Variants in WNK2 observed in about 807,000 individuals in gnomAD.
The protein encoded by WNK2 is serine/threonine-protein kinase WNK2.
A neutral mutation model predicts 192.1 loss-of-function variants in WNK2; 67 were observed. The ratio of observed to expected loss-of-function variants is 0.35; its 90% confidence interval spans 0.29 to 0.43. The LOEUF is 0.43. WNK2 is among the 20% of genes least tolerant of loss of function. The pLI is 1.00. For missense variants in WNK2, 2,698 were observed against 3,089.7 expected (o/e 0.87, Z 3.01); for synonymous variants, 1,439 against 1,393.9 (o/e 1.03, Z -0.72).
chr9:93,233,899 C>T (rs1365928053), intron 4 of WNK2, among the ~76,000 whole-genome samples: 4 of 152,058 alleles, frequency 2.6e-5, no homozygotes, highest in African/African-American at 2.4e-5. Flanking sequence ...TTGCATTCAG[C>T]GCGACAGACA....
At chr9:93,202,120 G>T (rs976022147) in intron 2 of WNK2, among the ~76,000 whole-genome samples, 7 of 152,208 alleles carry the variant, frequency 4.6e-5, no homozygotes, top group Non-Finnish European at 7.4e-5. Flanking sequence ...GGGGAAGTGA[G>T]GGGTGACTGA....
intron 2 of WNK2, among the ~76,000 whole-genome samples, chr9:93,201,617 G>T (rs1832369164): frequency 6.6e-6 from 1 of 152,214 alleles, no homozygotes; most frequent in South Asian, 2.1e-4. Context: ...GACAGGTCCT[G>T]CCCTGCAGGA....
Position 93,238,331 on chromosome 9 carries a change from C to T in WNK2, c.1322+10C>T, listed in dbSNP as rs750993152. On this transcript the variant is annotated intron_variant, in intron 6 of 29. Coordinates refer to ENST00000427277, the MANE Select transcript of WNK2 (RefSeq NM_006648.4). ...AAAACAAGGAGGAAAGGTGAGTTCC[C>T]CTGAAGGGCTGGGTTCTGGGGTCCA... The T allele has an allele frequency of 1.2e-6, 2 of 1,612,744 alleles. No homozygotes were observed. Among genetic ancestry groups the T allele is most frequent in the Middle Eastern group, 1.6e-4 (1 of 6,062 alleles).
In WNK2 at chr9:93,267,791, G is replaced by A. The variant is rs1044383028; in HGVS notation, c.3742G>A (p.Glu1248Lys). ...ILQAERETFIEQMKDVMDKAE... is the reference protein window; with the variant it reads ...ILQAERETFIKQMKDVMDKAE... ...GCAGGCCGAGCGGGAAACGTTCATC[G>A]AGCAGATGAAGGATGTCATGGACAA... The change falls in exon 17 of 30, where the codon GAG becomes AAG. Residue 1248 changes from glutamate (E) to lysine (K), a missense_variant. This residue lies in a region of WNK2 where 1,098 missense variants were observed against 1,101.0 expected (regional missense o/e 1.00). Transcript: ENST00000427277. The A allele has an allele frequency of 3.1e-6, 5 of 1,610,900 alleles. No homozygotes were observed. Among genetic ancestry groups the A allele is most frequent in the Non-Finnish European group, 4.2e-6 (5 of 1,178,726 alleles).
intron 26 of WNK2, among the ~76,000 whole-genome samples, chr9:93,304,369 G>A (rs1852123802): frequency 6.6e-6 from 1 of 152,252 alleles, no homozygotes; most frequent in South Asian, 2.1e-4. Flanking sequence ...CTGTCGTCCT[G>A]TGTGCTGCCA....
chr9:93,256,914 G>A (rs369920565), intron 10 of WNK2, 34 bp from the exon 11 acceptor site: 11 of 1,521,554 alleles, frequency 7.2e-6, no homozygotes, highest in East Asian at 4.9e-5. Flanking sequence ...GGGCAGATTG[G>A]TGGTCTAAGG....
At chr9:93,281,141 T>A (rs927658551) in intron 19 of WNK2, among the ~76,000 whole-genome samples, 1 of 152,190 alleles carries the variant, frequency 6.6e-6, no homozygotes, top group African/African-American at 2.4e-5. Flanking sequence ...ATGACTATGT[T>A]CATTAGATTG....
chr9:93,291,518 T>G (rs1849346235), intron 21 of WNK2, among the ~76,000 whole-genome samples: 1 of 152,138 alleles, frequency 6.6e-6, no homozygotes, highest in Non-Finnish European at 1.5e-5. Context: ...GGGAGTCAGA[T>G]GTTACATACG....
intron 3 of WNK2, among the ~76,000 whole-genome samples, chr9:93,230,072 T>C (rs1009647504): frequency 2.0e-5 from 3 of 152,118 alleles, no homozygotes; most frequent in Non-Finnish European, 4.4e-5. Flanking sequence ...CTGGGACTTG[T>C]TTCTGGCTGG....
Position 93,262,674 on chromosome 9 carries a change from A to G in WNK2, c.3365A>G (p.Gln1122Arg), listed in dbSNP as rs147603907. Residue 1122 changes from glutamine (Q) to arginine (R), a missense_variant, in exon 14 of 30, where the codon CAG (glutamine) becomes CGG (arginine). This residue lies in a region of WNK2 where 893 missense variants were observed against 909.0 expected (regional missense o/e 0.98). Transcript: ENST00000427277. ...TTCTCCGGGTGTTTATTTCAGGAGC[A>G]GGCCTCACAGGACAAGCCGCCCGGC... ...QLTVEPVQEE[Q>R]ASQDKPPGLP... is the part of the protein sequence containing the mutation. 40 of 1,612,710 alleles carry G rather than the reference A, an allele frequency of 2.5e-5. No homozygotes were observed. In the African/African-American group the frequency reaches 4.9e-4, roughly 20 times the overall value.
intron 2 of WNK2, among the ~76,000 whole-genome samples, chr9:93,207,346 G>A (rs184481862): frequency 1.3e-5 from 2 of 151,942 alleles, no homozygotes; most frequent in East Asian, 1.9e-4. Flanking sequence ...GATCTCTGGT[G>A]GGGGGGCCTT....
At chr9:93,286,024 G>A (rs897650022) in intron 19 of WNK2, among the ~76,000 whole-genome samples, 9 of 152,136 alleles carry the variant, frequency 5.9e-5, no homozygotes, top group Non-Finnish European at 1.2e-4. Context: ...GTAACAAGTC[G>A]CTTGTGAATC....
At chr9:93,314,112 A>C (rs1854157008) in intron 28 of WNK2, among the ~76,000 whole-genome samples, 1 of 148,990 alleles carries the variant, frequency 6.7e-6, no homozygotes, top group Non-Finnish European at 1.5e-5. Context: ...CTCTACTAAA[A>C]GTACAAAAAA....
At chr9:93,295,066 T>TG (rs1850009451) in intron 23 of WNK2, among the ~76,000 whole-genome samples, 1 of 152,130 alleles carries the variant, frequency 6.6e-6, no homozygotes, top group Non-Finnish European at 1.5e-5. Flanking sequence ...TTCCTAGGGC[T>TG]CCAGGAGCCC....
Position 93,298,114 on chromosome 9 carries a change from C to T in WNK2, c.5923+47C>T, listed in dbSNP as rs376352724. The T allele has an allele frequency of 1.5e-3, 2,348 of 1,537,636 alleles. 2 individuals are homozygous for T. Among genetic ancestry groups the T allele is most frequent in the Non-Finnish European group, 1.9e-3 (2,164 of 1,141,808 alleles). ...TGGGATGGGAGCGGGGCTGGGGACCCCCGAGTGAGCCTGGGAGGTAGGCTC... is the reference window on the plus strand; with the variant it reads ...TGGGATGGGAGCGGGGCTGGGGACCTCCGAGTGAGCCTGGGAGGTAGGCTC... On this transcript the variant is annotated intron_variant, in intron 24 of 29. Transcript: ENST00000427277.
chr9:93,185,206 C>G lies in WNK2; in HGVS notation c.277C>G (p.Pro93Ala). 1 of 1,158,526 alleles carries G rather than the reference C, an allele frequency of 8.6e-7. No individual in the cohort carries two copies. 71.8% of individuals were successfully genotyped at this position (1,158,526 alleles called of 1,614,324 possible). Residue 93 changes from proline to alanine, a missense_variant, in exon 2 of 30, where the codon CCC becomes GCC. Physicochemically the swap from Pro to Ala is conservative, Grantham distance 27. Around this residue, in one of 7 missense-constraint regions of WNK2, gnomAD observed 260 missense variants for 285.6 expected, o/e 0.91. Coordinates refer to ENST00000427277, the MANE Select transcript of WNK2 (RefSeq NM_006648.4). ...CATCGCGGAGCGCGCCCGCGGACGC[C>G]CCGCCGCCCCCGCGCCCGCAGCGCT... ...RLIAERARGR[P>A]AAPAPAALVA... is the part of the protein sequence containing the mutation.
In WNK2 at chr9:93,239,724, C is replaced by T. The variant is rs771939525; in HGVS notation, c.1323-33C>T. On this transcript the variant is annotated intron_variant, in intron 6 of 29. Transcript: ENST00000427277. The surrounding 1 kb of genome is among the most constrained non-coding windows in gnomAD (Gnocchi z 4.2). ...GCCTGGGCATGGAGGCCCTGGCGCC[C>T]GTGCCCCTGCCTGTCAGCTGCTCTC... 1.6e-4 allele frequency: 245 copies of T among 1,533,554 alleles called. No homozygotes were observed. The highest frequency in any genetic ancestry group is 9.4e-4 in the East Asian group (38 of 40,610). 95.0% of individuals were successfully genotyped at this position (1,533,554 alleles called of 1,614,324 possible).
At position 93,185,046 on chromosome 9, in the gene WNK2, G is replaced by T; in HGVS notation, c.117G>T (p.Gln39His). Residue 39 changes from glutamine (Q) to histidine (H), a missense_variant, in exon 2 of 30, where the codon CAG (glutamine) becomes CAT (histidine). Gln to His is a conservative substitution (Grantham distance 24). Around this residue, in one of 7 missense-constraint regions of WNK2, gnomAD observed 260 missense variants for 285.6 expected, o/e 0.91. Transcript: ENST00000427277. ...CGAAGGCGGCGCGGCCGGGGCCCCA[G>T]CGCTTTCTGCGGCGCAGCGTGGTAG... ...PRAKAARPGP[Q>H]RFLRRSVVES... is the part of the protein sequence containing the mutation. 1 of 1,293,192 alleles carries T rather than the reference G, an allele frequency of 7.7e-7. No individual in the cohort carries two copies. The allele number at this position is 1,293,192 out of a possible 1,614,324, so 80.1% of individuals were successfully genotyped here.
chr9:93,286,952 A>G (rs1848527613), intron 19 of WNK2, among the ~76,000 whole-genome samples: 1 of 152,234 alleles, frequency 6.6e-6, no homozygotes, highest in South Asian at 2.1e-4. Flanking sequence ...TATCTAAAAC[A>G]GTCAAAGTCA....
Sources: gnomAD v4.1 joint callset for allele counts (sites outside exome capture counted in the v4.1 genomes callset) on GRCh38, gnomAD v4.1.1 for gene constraint, gnomAD v4.1.1 regional missense constraint, Gnocchi (gnomAD v3.1) non-coding constraint, MANE v1.5 for transcripts, NCBI Gene and HGNC (gene_info 2026-07-23, HGNC 2026-07-21) for gene names.